The following MROH7 variants were observed in gnomAD, a reference collection of about 807,000 sequenced individuals.
The protein encoded by MROH7 is maestro heat like repeat family member 7.
MROH7 carries 113 observed loss-of-function variants against 129.2 expected under a neutral mutation model. The observed-to-expected ratio is 0.87, with a 90% CI of 0.75 to 1.02. The LOEUF (loss-of-function observed/expected upper bound fraction) is 1.02, where lower values mean the gene tolerates loss of function less well. Among genes scored for constraint, MROH7 ranks in the 50% least tolerant of loss-of-function variants. MROH7 has a pLI of 0.00. For synonymous variants in MROH7, 655 were observed against 667.9 expected (o/e 0.98, Z 0.30); for missense variants, 1,601 against 1,671.3 (o/e 0.96, Z 0.73).
At chr1:54,681,757 T>C (rs191743030) in intron 13 of MROH7, among the ~76,000 whole-genome samples, 23 of 152,300 alleles carry the variant, frequency 1.5e-4, no homozygotes, top group African/African-American at 4.8e-4. Context: ...AGAGGCTCCC[T>C]GATATTATGT....
intron 7 of MROH7, among the ~76,000 whole-genome samples, chr1:54,671,343 T>A (rs921431628): frequency 6.6e-6 from 1 of 152,248 alleles, no homozygotes; most frequent in African/African-American, 2.4e-5. Flanking sequence ...GAGCTTGCAG[T>A]GAGCCGAGAT....
At chr1:54,693,320 T>C (rs981570989) in intron 16 of MROH7, among the ~76,000 whole-genome samples, 5 of 152,102 alleles carry the variant, frequency 3.3e-5, no homozygotes, top group Non-Finnish European at 7.4e-5. Context: ...TGTGGTGGCA[T>C]GTGCCTGTAG....
intron 1 of MROH7, among the ~76,000 whole-genome samples, chr1:54,642,531 C>G (rs1180452262): frequency 6.6e-6 from 1 of 152,166 alleles, no homozygotes; most frequent in East Asian, 1.9e-4. Context: ...TTGGGAATCT[C>G]TATGGTATTA....
intron 15 of MROH7, among the ~76,000 whole-genome samples, chr1:54,690,393 A>C (rs1346841734): frequency 6.6e-6 from 1 of 151,030 alleles, no homozygotes; most frequent in African/African-American, 2.4e-5. Context: ...AATGACAGAG[A>C]GGATCAACTA....
In MROH7 at chr1:54,686,307, G is replaced by A. The variant is rs368938972; in HGVS notation, c.2570G>A (p.Arg857His). ...CTGTCCGTCAACAGCTGCATGGGCC[G>A]TGTGAGGCGCATCTACCCTCAGCTG... ...ELLSVNSCMG[R>H]VRRIYPQLLL... The change falls in exon 15 of 24, where the codon CGT (arginine) becomes CAT (histidine). Residue 857 changes from arginine (R) to histidine (H), a missense_variant. Coordinates refer to ENST00000421030, the MANE Select transcript of MROH7 (RefSeq NM_001039464.4). The A allele has an allele frequency of 7.4e-6, 12 of 1,613,982 alleles. No individual in the cohort carries two copies. Among genetic ancestry groups the A allele is most frequent in the East Asian group, 6.7e-5 (3 of 44,880 alleles).
intron 14 of MROH7, among the ~76,000 whole-genome samples, chr1:54,683,604 C>T (rs968637796): frequency 2.6e-5 from 4 of 152,222 alleles, no homozygotes; most frequent in African/African-American, 9.6e-5. Flanking sequence ...TTGCATTGCC[C>T]CTGAGAGTGA....
intron 6 of MROH7, 48 bp from the exon 7 acceptor site, chr1:54,670,752 T>C (rs779475662): frequency 1.3e-6 from 2 of 1,523,694 alleles, no homozygotes; most frequent in Non-Finnish European, 1.8e-6. Flanking sequence ...TCTATAGCCA[T>C]AGGGCCCCTC....
At chr1:54,669,481 A>G (rs1644862072) in intron 5 of MROH7, among the ~76,000 whole-genome samples, 1 of 152,216 alleles carries the variant, frequency 6.6e-6, no homozygotes, top group Non-Finnish European at 1.5e-5. Context: ...TTAATTGAAC[A>G]TCTGCTATGT....
At position 54,700,380 on chromosome 1, in the gene MROH7, A is replaced by C; in HGVS notation, c.3024A>C (p.Ala1008=). 1 of 1,614,124 alleles carries C rather than the reference A, an allele frequency of 6.2e-7. No individual in the cohort carries two copies. Among genetic ancestry groups the C allele is most frequent in the Non-Finnish European group, 8.5e-7 (1 of 1,180,004 alleles). ...AGGAATACTCTCTGGGGCGGATGGC[A>C]GAAGGCCTGAGCCACCACGACCCCA... ...IPEEYSLGRM[A]EGLSHHDPIM... is the part of the protein sequence containing the mutation. The change falls in exon 18 of 24, where the codon GCA becomes GCC. Residue 1008 remains alanine (A), a synonymous_variant. Coordinates refer to ENST00000421030, the MANE Select transcript of MROH7 (RefSeq NM_001039464.4).
intron 7 of MROH7, 32 bp from the exon 8 acceptor site, chr1:54,673,059 C>T (rs780091582): frequency 6.5e-7 from 1 of 1,549,834 alleles, no homozygotes; most frequent in African/African-American, 1.4e-5. Flanking sequence ...TCCAGAGGTG[C>T]CTTAGTGGCT....
intron 1 of MROH7, among the ~76,000 whole-genome samples, chr1:54,650,638 C>G (rs1207726951): frequency 2.6e-5 from 4 of 151,850 alleles, no homozygotes; most frequent in Non-Finnish European, 4.4e-5. Context: ...TTCTCCTCTC[C>G]TCCCTTCCTT....
At chr1:54,665,036 G>T (rs1395019569) in intron 3 of MROH7, 131 bp from the exon 4 acceptor site, 1 of 630,004 alleles carries the variant, frequency 1.6e-6, no homozygotes, top group Non-Finnish European at 2.8e-6. Flanking sequence ...GAAAAGAAAA[G>T]AAAGCTCAGT....
chr1:54,709,799 A>T, intron 23 of MROH7, 147 bp from the exon 24 acceptor site: 1 of 985,402 alleles, frequency 1.0e-6, no homozygotes. Context: ...AAATGTGAAT[A>T]ATTTGAATTG....
At chr1:54,678,978 A>G (rs1645025312) in intron 11 of MROH7, 124 bp downstream of exon 11, 2 of 784,320 alleles carry the variant, frequency 2.5e-6, no homozygotes, top group Non-Finnish European at 2.1e-6. Context: ...CCAGCCACCC[A>G]CGCCTGTCCT....
chr1:54,659,371 C>T (rs929072578), intron 3 of MROH7, among the ~76,000 whole-genome samples: 5 of 152,072 alleles, frequency 3.3e-5, no homozygotes, highest in Non-Finnish European at 7.4e-5. Context: ...CAACCTCCAC[C>T]TTCGGGGTTC....
chr1:54,645,386 TCTCCTGCCCAAGC>T (rs760901716), intron 1 of MROH7, among the ~76,000 whole-genome samples: 19 of 152,132 alleles, frequency 1.2e-4, no homozygotes, highest in Middle Eastern at 6.8e-3. Flanking sequence ...TTCAAGTGAT[TCTCCTGCCCAAGC>T]CTCCTGAGTA....
rs1032455724 is a variant in MROH7 at position 54,673,924 on chromosome 1, A to T, written c.1801-92A>T. ...CTTGCCATCTTCAGAGGGCTGTGCT[A>T]TCTGGGCCAGACTATCCACCGGTGT... On this transcript the variant is annotated intron_variant, in intron 9 of 23. Coordinates refer to ENST00000421030, the MANE Select transcript of MROH7 (RefSeq NM_001039464.4). 3.2e-6 allele frequency: 5 copies of T among 1,545,912 alleles called. No homozygotes were observed. In the African/African-American group the frequency reaches 6.8e-5, roughly 21 times the overall value.
rs374416104 is a variant in MROH7, at chr1:54,701,111, G to A, written c.3106-32G>A. ...TCTTCCTACTTGCTAGCTCAGATAG[G>A]AGCCCTCATCCCAAATGCTCCTGCC... On this transcript the variant is annotated intron_variant, in intron 18 of 23. Coordinates refer to ENST00000421030, the MANE Select transcript of MROH7 (RefSeq NM_001039464.4). 10 of 1,610,068 alleles carry A rather than the reference G, an allele frequency of 6.2e-6. No homozygotes were observed. In the South Asian group the frequency reaches 9.9e-5, roughly 16 times the overall value.
In MROH7 at chr1:54,673,101, A is replaced by G; in HGVS notation, c.1610A>G (p.His537Arg). 6.2e-7 allele frequency: 1 copy of G among 1,613,342 alleles called. No individual in the cohort carries two copies. The highest frequency in any genetic ancestry group is 8.5e-7 in the Non-Finnish European group (1 of 1,179,472). Residue 537 changes from histidine to arginine, a missense_variant, in exon 8 of 24, where the codon CAT becomes CGT. Coordinates refer to ENST00000421030, the MANE Select transcript of MROH7 (RefSeq NM_001039464.4). ...AKAETIQALY[H>R]QTLEALQTLL... is the part of the protein sequence containing the mutation. ...TCCTCCCATCCACAGGCTCTTTACCATCAGACCCTGGAGGCCCTGCAGACA... is the reference window on the plus strand; with the variant it reads ...TCCTCCCATCCACAGGCTCTTTACCGTCAGACCCTGGAGGCCCTGCAGACA...
Sources: gnomAD v4.1 joint callset for allele counts (sites outside exome capture counted in the v4.1 genomes callset) on GRCh38, gnomAD v4.1.1 for gene constraint, MANE v1.5 for transcripts, NCBI Gene and HGNC (gene_info 2026-07-23, HGNC 2026-07-21) for gene names.